The following KSR2 variants were observed in gnomAD, a reference collection of about 807,000 sequenced individuals.
KSR2 encodes the protein kinase suppressor of ras 2.
A neutral mutation model predicts 107.8 loss-of-function variants in KSR2; 25 were observed. The observed-to-expected ratio is 0.23, with a 90% CI of 0.17 to 0.32. KSR2 has a LOEUF of 0.32. Among genes scored for constraint, KSR2 ranks in the 10% least tolerant of loss-of-function variants. The pLI, the probability that KSR2 is intolerant of heterozygous loss-of-function variation, is 1.00. For synonymous variants in KSR2, 480 were observed against 507.0 expected (o/e 0.95, Z 0.71); for missense variants, 887 against 1,268.9 (o/e 0.70, Z 4.57).
intron 1 of KSR2, among the ~76,000 whole-genome samples, chr12:117,931,029 C>A (rs1895682976): frequency 6.6e-6 from 1 of 152,140 alleles, no homozygotes; most frequent in African/African-American, 2.4e-5. Flanking sequence ...TTTTGATCTG[C>A]TCTGAGATCT....
chr12:117,525,262 T>C lies in KSR2; in HGVS notation c.1852-43A>G. The C allele has an allele frequency of 2.6e-6, 4 of 1,523,178 alleles. No homozygotes were observed. In the Admixed American group the frequency reaches 6.0e-5, roughly 23 times the overall value. The allele number at this position is 1,523,178 out of a possible 1,614,324, so 94.4% of individuals were successfully genotyped here. Reference sequence around the variant, plus strand: ...GAGAGGTCAGAATTGTGTCTGCCACTGCCCCAGCCTCCCTCATGGTCCTGC... The same window carrying C: ...GAGAGGTCAGAATTGTGTCTGCCACCGCCCCAGCCTCCCTCATGGTCCTGC... On this transcript the variant is annotated intron_variant, in intron 13 of 19. Transcript: ENST00000339824.
chr12:117,534,493 T>C (rs1199565001), intron 10 of KSR2, among the ~76,000 whole-genome samples: 3 of 152,136 alleles, frequency 2.0e-5, no homozygotes, highest in African/African-American at 7.2e-5. Context: ...CAAAGGCTCT[T>C]AGCCATCACA....
At chr12:117,750,288 G>C (rs1474228736) in intron 4 of KSR2, among the ~76,000 whole-genome samples, 1 of 148,644 alleles carries the variant, frequency 6.7e-6, no homozygotes, top group Admixed American at 6.7e-5. Flanking sequence ...TTCTTATGCA[G>C]AGTAATAATA....
At chr12:117,793,715 ACACT>A (rs1399185861) in intron 3 of KSR2, among the ~76,000 whole-genome samples, 3 of 148,254 alleles carry the variant, frequency 2.0e-5, no homozygotes, top group Non-Finnish European at 3.0e-5. Flanking sequence ...CACACCATGC[ACACT>A]CACACCAGCA....
At chr12:117,902,284 C>T (rs1894708384) in intron 1 of KSR2, among the ~76,000 whole-genome samples, 1 of 152,008 alleles carries the variant, frequency 6.6e-6, no homozygotes, top group East Asian at 1.9e-4. Context: ...CATGGTGAAA[C>T]CCCGTCTCTA....
At chr12:117,594,123 A>G (rs960916566) in intron 5 of KSR2, among the ~76,000 whole-genome samples, 1 of 152,190 alleles carries the variant, frequency 6.6e-6, no homozygotes. Flanking sequence ...CCTGATGGAA[A>G]TATGATGTTT....
At chr12:117,870,194 C>T (rs1053669846) in intron 1 of KSR2, among the ~76,000 whole-genome samples, 5 of 152,186 alleles carry the variant, frequency 3.3e-5, no homozygotes, top group East Asian at 1.9e-4. Flanking sequence ...AGTGAATTCC[C>T]GAATTCTAGC....
At chr12:117,710,382 G>A (rs1237919437) in intron 4 of KSR2, among the ~76,000 whole-genome samples, 3 of 152,222 alleles carry the variant, frequency 2.0e-5, no homozygotes, top group Non-Finnish European at 2.9e-5. Context: ...GAACATTCAA[G>A]TGCATTACAA....
chr12:117,500,868 C>G lies in KSR2; in HGVS notation c.2220-15177G>C, dbSNP rs565021699. Reference sequence around the variant, plus strand: ...CCCCTGGGCCTTCCACTGCCTCCCCCTTTTCTGAGAAGGCCTCGAGCGCTG... The same window carrying G: ...CCCCTGGGCCTTCCACTGCCTCCCCGTTTTCTGAGAAGGCCTCGAGCGCTG... On this transcript the variant is annotated intron_variant, in intron 14 of 19. Transcript: ENST00000339824. 2.6e-5 allele frequency among the ~76,000 whole-genome samples: 4 copies of G among 152,396 alleles called. No homozygotes were observed. In the South Asian group the frequency reaches 6.2e-4, roughly 24 times the overall value.
intron 2 of KSR2, 27 bp from the exon 3 acceptor site, chr12:117,855,605 C>T (rs754066253): frequency 1.2e-6 from 2 of 1,612,842 alleles, no homozygotes; most frequent in South Asian, 2.2e-5. Flanking sequence ...GGATTGTCAA[C>T]CGTGGGGCAG....
At chr12:117,679,190 C>T (rs962668249) in intron 4 of KSR2, among the ~76,000 whole-genome samples, 10 of 152,198 alleles carry the variant, frequency 6.6e-5, no homozygotes, top group Non-Finnish European at 1.3e-4. Flanking sequence ...GCCCTTGAAG[C>T]TCCCAGAACC....
In KSR2 at chr12:117,456,439, T is replaced by C. The variant is rs539484979; in HGVS notation, c.*10760A>G. 6.6e-6 allele frequency: 1 copy of C among 152,330 alleles called. No individual in the cohort carries two copies. Among genetic ancestry groups the C allele is most frequent in the East Asian group, 1.9e-4 (1 of 5,176 alleles). 9.4% of individuals were successfully genotyped at this position (152,330 alleles called of 1,614,324 possible). On this transcript the variant is annotated 3_prime_UTR_variant, in exon 20 of 20. Coordinates refer to ENST00000339824, the MANE Select transcript of KSR2 (RefSeq NM_173598.6). ...GTACCCATCTAAACATTATTACTTG[T>C]AACACATGTAGAAAAATAAGCAGAG...
chr12:117,631,865 T>C (rs1882822963), intron 5 of KSR2, among the ~76,000 whole-genome samples: 2 of 152,204 alleles, frequency 1.3e-5, no homozygotes, highest in African/African-American at 2.4e-5. Flanking sequence ...TTGCAAAGCA[T>C]AGAGTCCCCA....
chr12:117,653,851 G>A (rs557469384), intron 5 of KSR2, among the ~76,000 whole-genome samples: 101 of 152,300 alleles, frequency 6.6e-4, no homozygotes, highest in Middle Eastern at 3.4e-3. Flanking sequence ...GTGGGGTCCA[G>A]AACAGGAGAA....
At chr12:117,600,480 C>T (rs60824963) in intron 5 of KSR2, among the ~76,000 whole-genome samples, 2,098 of 152,240 alleles carry the variant, frequency 0.014, 45 homozygotes, top group African/African-American at 0.048. Flanking sequence ...CTTTACCTGG[C>T]GTTCCTATTC....
chr12:117,800,334 C>A (rs1246264646), intron 3 of KSR2, among the ~76,000 whole-genome samples: 1 of 152,032 alleles, frequency 6.6e-6, no homozygotes, highest in Non-Finnish European at 1.5e-5. Flanking sequence ...TTCCACAGGG[C>A]CAGGTTCCTG....
In KSR2 at chr12:117,457,089, GA is replaced by G. The variant is rs1399190163; in HGVS notation, c.*10109del. 1 of 152,394 alleles carries G rather than the reference GA, an allele frequency of 6.6e-6. No individual in the cohort carries two copies. Among genetic ancestry groups the G allele is most frequent in the Non-Finnish European group, 1.5e-5 (1 of 68,054 alleles). The allele number at this position is 152,394 out of a possible 1,614,324, so 9.4% of individuals were successfully genotyped here. On this transcript the variant is annotated 3_prime_UTR_variant, in exon 20 of 20. Transcript: ENST00000339824. ...CTGCTTCTTAGAAGGGCTGTGGAAGGATGGAGAGAATGACTGGAGATTTCAG... is the reference window on the plus strand; with the variant it reads ...CTGCTTCTTAGAAGGGCTGTGGAAGGTGGAGAGAATGACTGGAGATTTCAG...
At chr12:117,497,501 T>C (rs562059605) in intron 14 of KSR2, among the ~76,000 whole-genome samples, 1 of 152,264 alleles carries the variant, frequency 6.6e-6, no homozygotes, top group East Asian at 1.9e-4. Flanking sequence ...AGCATCATCA[T>C]CCTGTTTAGG....
At chr12:117,671,318 CGATT>C (rs1053264891) in intron 4 of KSR2, among the ~76,000 whole-genome samples, 2 of 152,274 alleles carry the variant, frequency 1.3e-5, no homozygotes, top group East Asian at 1.9e-4. Context: ...CTCTCTCTCT[CGATT>C]GATTGATCAT....
Sources: allele counts gnomAD v4.1 joint callset (sites outside exome capture counted in the v4.1 genomes callset), GRCh38; gene constraint gnomAD v4.1.1; transcripts MANE v1.5; gene names NCBI Gene and HGNC (gene_info 2026-07-23, HGNC 2026-07-21).